MLLT3: variants seen among roughly 807,000 people sequenced by gnomAD.
MLLT3 encodes protein AF-9.
MLLT3 carries 4 observed loss-of-function variants against 53.2 expected under a neutral mutation model. The ratio of observed to expected loss-of-function variants is 0.08; its 90% confidence interval spans 0.04 to 0.17. The LOEUF (loss-of-function observed/expected upper bound fraction) is 0.17. Among genes scored for constraint, MLLT3 ranks in the 10% least tolerant of loss-of-function variants. The pLI, the probability that MLLT3 is intolerant of heterozygous loss-of-function variation, is 1.00. For missense variants in MLLT3, 569 were observed against 684.0 expected (o/e 0.83, Z 1.87); for synonymous variants, 283 against 230.6 (o/e 1.23, Z -2.06).
chr9:20,468,782 T>C (rs1824297739), intron 2 of MLLT3, among the ~76,000 whole-genome samples: 1 of 152,246 alleles, frequency 6.6e-6, no homozygotes, highest in African/African-American at 2.4e-5. Context: ...TCATATATGT[T>C]ACTTCTACTC....
chr9:20,584,494 G>T (rs931660516), intron 2 of MLLT3, among the ~76,000 whole-genome samples: 1 of 152,116 alleles, frequency 6.6e-6, no homozygotes. Context: ...ATTTCACGCT[G>T]CTGGGAAGAA....
chr9:20,347,736 C>T (rs766031001), intron 10 of MLLT3, among the ~76,000 whole-genome samples: 5 of 152,174 alleles, frequency 3.3e-5, no homozygotes, highest in Non-Finnish European at 7.4e-5. Context: ...AAACAGCTGA[C>T]AAACTTCTAC....
In MLLT3 at chr9:20,343,436, TGA is replaced by T. The variant is rs531384341; in HGVS notation, c.*3005_*3006del. Reference sequence around the variant, plus strand: ...CATACCTATTTGTCTGTATTAAGATTGAGAGAGAGGCAGATTATGCTGAGGAT... The same window carrying T: ...CATACCTATTTGTCTGTATTAAGATTGAGAGAGGCAGATTATGCTGAGGAT... On this transcript the variant is annotated 3_prime_UTR_variant, in exon 11 of 11. Coordinates refer to ENST00000380338, the MANE Select transcript of MLLT3 (RefSeq NM_004529.4). 4.5e-6 allele frequency: 1 copy of T among 221,496 alleles called. No homozygotes were observed. The highest frequency in any genetic ancestry group is 2.2e-5 in the African/African-American group (1 of 44,624). The allele number at this position is 221,496 out of a possible 1,614,324, so 13.7% of individuals were successfully genotyped here. A position where few individuals can be genotyped will look rare whatever the true frequency, so the allele number is the denominator to read the frequency against.
chr9:20,355,095 T>TAAAAAAAAAAAAA (rs531598773), intron 8 of MLLT3, among the ~76,000 whole-genome samples: 2 of 64,164 alleles, frequency 3.1e-5, no homozygotes, highest in Admixed American at 1.8e-4. Flanking sequence ...AAAGTAGAAC[T>TAAAAAAAAAAAAA]AAAAAAAAAA....
Position 20,414,050 on chromosome 9 carries a change from C to G in MLLT3, c.796G>C (p.Asp266His). The G allele has an allele frequency of 6.2e-7, 1 of 1,614,112 alleles. No individual in the cohort carries two copies. Among genetic ancestry groups the G allele is most frequent in the Non-Finnish European group, 8.5e-7 (1 of 1,180,004 alleles). ...PKPMSKEPKPDSNLLTITSGQ... is the reference protein window; with the variant it reads ...PKPMSKEPKPHSNLLTITSGQ... Reference sequence around the variant, plus strand: ...CTGGTGATGGTGAGTAAGTTACTATCTGGTTTTGGCTCTTTTGACATGGGT... The same window carrying G: ...CTGGTGATGGTGAGTAAGTTACTATGTGGTTTTGGCTCTTTTGACATGGGT... Residue 266 changes from aspartate (D) to histidine (H), a missense_variant, in exon 5 of 11, where the codon GAT becomes CAT. Physicochemically the swap from Asp to His is moderately conservative, Grantham distance 81. Coordinates refer to ENST00000380338, the MANE Select transcript of MLLT3 (RefSeq NM_004529.4).
At chr9:20,361,696 T>C (rs1417953434) in intron 7 of MLLT3, among the ~76,000 whole-genome samples, 2 of 152,046 alleles carry the variant, frequency 1.3e-5, no homozygotes, top group Admixed American at 6.5e-5. Flanking sequence ...CAGAAGAAAA[T>C]GGAATTTTCT....
intron 2 of MLLT3, among the ~76,000 whole-genome samples, chr9:20,554,362 T>A (rs1819002351): frequency 6.6e-6 from 1 of 152,156 alleles, no homozygotes; most frequent in African/African-American, 2.4e-5. Flanking sequence ...TGTTACAAGT[T>A]TGGCTACTCA....
chr9:20,374,408 C>T (rs1821697923), intron 5 of MLLT3, among the ~76,000 whole-genome samples: 1 of 152,086 alleles, frequency 6.6e-6, no homozygotes, highest in Admixed American at 6.5e-5. Flanking sequence ...AACATCCATG[C>T]CAAACAATTG....
intron 5 of MLLT3, among the ~76,000 whole-genome samples, chr9:20,372,236 A>T (rs1821625086): frequency 6.6e-6 from 1 of 152,240 alleles, no homozygotes; most frequent in African/African-American, 2.4e-5. Context: ...TAAAGAATTT[A>T]GAATATTATA....
At chr9:20,542,409 C>A (rs13287912) in intron 2 of MLLT3, among the ~76,000 whole-genome samples, 1 of 152,072 alleles carries the variant, frequency 6.6e-6, no homozygotes, top group South Asian at 2.1e-4. Flanking sequence ...CGCCACCGCG[C>A]CCGGCTAATT....
rs1587132340 is a variant in MLLT3 at position 20,343,688 on chromosome 9, C to T, written c.*2755G>A. On this transcript the variant is annotated 3_prime_UTR_variant, in exon 11 of 11. Transcript: ENST00000380338. Reference sequence around the variant, plus strand: ...TACTCTGGCTGGTTCAAACCATATTCACATTTACCCAATTAATTTTATTTG... The same window carrying T: ...TACTCTGGCTGGTTCAAACCATATTTACATTTACCCAATTAATTTTATTTG... The T allele has an allele frequency of 8.9e-6, 2 of 223,538 alleles. No individual in the cohort carries two copies. Among genetic ancestry groups the T allele is most frequent in the East Asian group, 1.3e-4 (2 of 15,430 alleles). 13.8% of individuals were successfully genotyped at this position (223,538 alleles called of 1,614,324 possible).
chr9:20,461,505 G>A (rs1031695118), intron 2 of MLLT3, among the ~76,000 whole-genome samples: 25 of 152,100 alleles, frequency 1.6e-4, no homozygotes, highest in African/African-American at 5.3e-4. Flanking sequence ...AAGATTTGAC[G>A]AAGAGCTATG....
intron 2 of MLLT3, among the ~76,000 whole-genome samples, chr9:20,614,620 T>C (rs1210464835): frequency 6.8e-6 from 1 of 147,390 alleles, no homozygotes; most frequent in African/African-American, 2.5e-5. Flanking sequence ...TTTTCTACAA[T>C]GAACAAATAT....
At chr9:20,512,270 G>A (rs1190710643) in intron 2 of MLLT3, among the ~76,000 whole-genome samples, 2 of 152,160 alleles carry the variant, frequency 1.3e-5, no homozygotes, top group African/African-American at 4.8e-5. Context: ...TCACTCCACA[G>A]TAGATTTTTC....
intron 2 of MLLT3, among the ~76,000 whole-genome samples, chr9:20,596,449 G>C (rs1324542422): frequency 1.3e-5 from 2 of 152,186 alleles, no homozygotes; most frequent in African/African-American, 4.8e-5. Flanking sequence ...CAGCACTTTG[G>C]GAGGCCAAGG....
intron 5 of MLLT3, among the ~76,000 whole-genome samples, chr9:20,369,012 T>C (rs1305910311): frequency 2.6e-5 from 4 of 152,102 alleles, no homozygotes; most frequent in Non-Finnish European, 5.9e-5. Flanking sequence ...GGAGGACTTG[T>C]TAAAACACAG....
chr9:20,364,571 T>A (rs1466454906), intron 6 of MLLT3, among the ~76,000 whole-genome samples: 1 of 152,190 alleles, frequency 6.6e-6, no homozygotes, highest in Non-Finnish European at 1.5e-5. Flanking sequence ...CTCCCTACAA[T>A]CTCACATTCT....
chr9:20,417,686 G>A (rs1209895689), intron 4 of MLLT3, among the ~76,000 whole-genome samples: 1 of 152,044 alleles, frequency 6.6e-6, no homozygotes, highest in African/African-American at 2.4e-5. Context: ...TACAACCTGT[G>A]ACTATAGGAT....
intron 2 of MLLT3, among the ~76,000 whole-genome samples, chr9:20,467,448 C>T (rs1368857676): frequency 1.3e-5 from 2 of 152,008 alleles, no homozygotes; most frequent in African/African-American, 4.8e-5. Context: ...TGTGGTGGCA[C>T]GCGCCTGTAG....
Sources: gnomAD v4.1 joint callset for allele counts (sites outside exome capture counted in the v4.1 genomes callset) on GRCh38, gnomAD v4.1.1 for gene constraint, MANE v1.5 for transcripts, NCBI Gene and HGNC (gene_info 2026-07-23, HGNC 2026-07-21) for gene names.